The following SLC4A7 variants were observed in gnomAD, a reference collection of about 807,000 sequenced individuals.
SLC4A7 encodes the protein sodium bicarbonate cotransporter 3.
In SLC4A7, 51 loss-of-function variants were observed where a neutral mutation model predicts 137.6. The observed-to-expected ratio is 0.37, with a 90% CI of 0.30 to 0.47. SLC4A7 has a LOEUF of 0.47. Ranked by LOEUF, SLC4A7 falls within the 20% of genes least tolerant of loss-of-function variation. The probability of loss-of-function intolerance (pLI) is 1.00; values close to 1 mark genes in which losing one functional copy is unlikely to be tolerated. For missense variants in SLC4A7, 1,247 were observed against 1,525.4 expected, an observed-to-expected ratio of 0.82 and a Z score of 3.04; for synonymous variants, 542 against 518.6, an observed-to-expected ratio of 1.05 and a Z score of -0.61.
chr3:27,449,375 AACAATT>A (rs2057907955), intron 2 of SLC4A7, among the ~76,000 whole-genome samples: 1 of 149,216 alleles, frequency 6.7e-6, no homozygotes, highest in Admixed American at 6.7e-5. Flanking sequence ...ACATTTTAGT[AACAATT>A]ACTTTATAAT....
intron 1 of SLC4A7, among the ~76,000 whole-genome samples, chr3:27,453,705 C>T (rs957076250): frequency 2.6e-5 from 4 of 152,206 alleles, no homozygotes; most frequent in African/African-American, 9.6e-5. Context: ...AGGAACTGAA[C>T]TGATTTGATT....
intron 11 of SLC4A7, among the ~76,000 whole-genome samples, chr3:27,416,724 T>C (rs1246688821): frequency 6.6e-6 from 1 of 152,180 alleles, no homozygotes; most frequent in Non-Finnish European, 1.5e-5. Context: ...CTTCATTTCA[T>C]ATAAAAGCAA....
intron 2 of SLC4A7, among the ~76,000 whole-genome samples, chr3:27,450,434 G>T (rs1423641284): frequency 6.6e-6 from 1 of 152,070 alleles, no homozygotes; most frequent in African/African-American, 2.4e-5. Context: ...TTTATGTTAT[G>T]TGAATCTCAT....
chr3:27,431,922 GTTAGAAA>G (rs1176617315), intron 6 of SLC4A7, among the ~76,000 whole-genome samples: 1 of 152,138 alleles, frequency 6.6e-6, no homozygotes, highest in African/African-American at 2.4e-5. Flanking sequence ...GCAATATCCT[GTTAGAAA>G]TTAGAATGAC....
At chr3:27,376,962 T>C (rs1174972500) in intron 25 of SLC4A7, 117 bp from the exon 26 acceptor site, 1 of 384,386 alleles carries the variant, frequency 2.6e-6, no homozygotes, top group Non-Finnish European at 4.5e-6. Context: ...TACAAACTTA[T>C]GACTTGCTAA....
chr3:27,473,367 G>A (rs1198513011), intron 1 of SLC4A7, among the ~76,000 whole-genome samples: 5 of 151,974 alleles, frequency 3.3e-5, no homozygotes, highest in Admixed American at 1.3e-4. Context: ...TTTAAAACAA[G>A]CTGAATTACT....
chr3:27,378,205 T>C (rs2050084310), intron 25 of SLC4A7, among the ~76,000 whole-genome samples: 1 of 151,798 alleles, frequency 6.6e-6, no homozygotes, highest in Non-Finnish European at 1.5e-5. Flanking sequence ...GAAAAACATA[T>C]GATAGAGAGT....
intron 11 of SLC4A7, among the ~76,000 whole-genome samples, chr3:27,413,064 C>A (rs2054061065): frequency 6.6e-6 from 1 of 151,940 alleles, no homozygotes; most frequent in Non-Finnish European, 1.5e-5. Context: ...TACAATAGAC[C>A]TTCAGCTAAT....
chr3:27,379,378 T>C (rs1318998674), intron 24 of SLC4A7, 22 bp from the exon 25 acceptor site: 2 of 1,310,202 alleles, frequency 1.5e-6, no homozygotes, highest in Admixed American at 3.9e-5. Context: ...ATACACTTTT[T>C]GGTTAGTATT....
chr3:27,401,759 A>T (rs1475611103), intron 15 of SLC4A7, among the ~76,000 whole-genome samples: 1 of 152,252 alleles, frequency 6.6e-6, no homozygotes, highest in African/African-American at 2.4e-5. Flanking sequence ...TGTAATTCAC[A>T]TGTTAATTAC....
At position 27,437,545 on chromosome 3, in the gene SLC4A7, T is replaced by C. The variant is rs1398092919; in HGVS notation, c.290-19A>G. On this transcript the variant is annotated intron_variant, in intron 3 of 25. Transcript: ENST00000454389. ...GGTGTATCTTTACAAAATAAGAATT[T>C]ACATATACTCAAATTTTTCCTCAAG... is the stretch of plus-strand genomic sequence containing the variant. The C allele has an allele frequency of 1.3e-6, 2 of 1,489,516 alleles. No homozygotes were observed. Among genetic ancestry groups the C allele is most frequent in the Non-Finnish European group, 1.8e-6 (2 of 1,119,224 alleles). The allele number at this position is 1,489,516 out of a possible 1,614,324, so 92.3% of individuals were successfully genotyped here.
At chr3:27,459,615 G>A (rs1201251092) in intron 1 of SLC4A7, among the ~76,000 whole-genome samples, 1 of 151,960 alleles carries the variant, frequency 6.6e-6, no homozygotes, top group African/African-American at 2.4e-5. Context: ...TTACAAAAAA[G>A]ATAGCATTCA....
chr3:27,478,656 A>T (rs1186296741), intron 1 of SLC4A7, among the ~76,000 whole-genome samples: 2 of 152,062 alleles, frequency 1.3e-5, no homozygotes, highest in Non-Finnish European at 1.5e-5. Flanking sequence ...AACATTTTAA[A>T]ACATCCTCTT....
At position 27,375,252 on chromosome 3, in the gene SLC4A7, A is replaced by G. The variant is rs2049824417; in HGVS notation, c.*1512T>C. ...GTAATTTAATTATATGGTTAAAGGG[A>G]GCATTGGAATTTCATAAAATTTTCA... is the stretch of plus-strand genomic sequence containing the variant. On this transcript the variant is annotated 3_prime_UTR_variant, in exon 26 of 26. Coordinates refer to ENST00000454389, the MANE Select transcript of SLC4A7 (RefSeq NM_001321103.2). The G allele has an allele frequency of 6.6e-6, 1 of 152,000 alleles. No individual in the cohort carries two copies. Among genetic ancestry groups the G allele is most frequent in the African/African-American group, 2.4e-5 (1 of 41,448 alleles). 9.4% of individuals were successfully genotyped at this position (152,000 alleles called of 1,614,324 possible).
intron 7 of SLC4A7, 65 bp downstream of exon 7, chr3:27,431,233 G>A (rs1442958899): frequency 6.7e-7 from 1 of 1,492,960 alleles, no homozygotes; most frequent in East Asian, 2.3e-5. Flanking sequence ...TGTGCTAAAA[G>A]GCATTCCAAG....
chr3:27,416,265 A>G (rs1559707767), intron 11 of SLC4A7, among the ~76,000 whole-genome samples: 1 of 152,238 alleles, frequency 6.6e-6, no homozygotes, highest in Non-Finnish European at 1.5e-5. Flanking sequence ...AGCTCACTGC[A>G]ATAGCAACAG....
chr3:27,436,359 A>G (rs748895254), intron 5 of SLC4A7, 29 bp downstream of exon 5: 13 of 1,568,348 alleles, frequency 8.3e-6, no homozygotes, highest in Admixed American at 3.4e-5. Flanking sequence ...TACACCTTAC[A>G]TATTTTTTAA....
chr3:27,449,047 CT>C (rs143519331), intron 2 of SLC4A7, among the ~76,000 whole-genome samples: 1,892 of 150,956 alleles, frequency 0.013, 11 homozygotes, highest in South Asian at 0.02. Context: ...AAAAAGATAT[CT>C]TTTTTTTTGT....
intron 11 of SLC4A7, among the ~76,000 whole-genome samples, chr3:27,414,629 C>A (rs147447111): frequency 2.5e-3 from 378 of 152,286 alleles, no homozygotes; most frequent in African/African-American, 8.8e-3. Flanking sequence ...CAAAAGAAGT[C>A]AAAAGCAATC....
Sources: gnomAD v4.1 joint callset for allele counts (sites outside exome capture counted in the v4.1 genomes callset) on GRCh38, gnomAD v4.1.1 for gene constraint, MANE v1.5 for transcripts, NCBI Gene and HGNC (gene_info 2026-07-23, HGNC 2026-07-21) for gene names.